Variants in MROH9 observed in about 807,000 individuals in gnomAD.
MROH9 encodes maestro heat like repeat family member 9, also known as maestro heat-like repeat-containing protein family member 9.
In MROH9, 92 loss-of-function variants were observed where a neutral mutation model predicts 98.2. The ratio of observed to expected loss-of-function variants is 0.94; its 90% CI spans 0.79 to 1.11. The LOEUF (loss-of-function observed/expected upper bound fraction) is 1.11. MROH9 is among the 50% of genes most tolerant of loss of function. The pLI is 0.00. For synonymous variants in MROH9, 397 were observed against 368.9 expected, an observed-to-expected ratio of 1.08 and a Z score of -0.87; for missense variants, 1,057 against 1,014.8, an observed-to-expected ratio of 1.04 and a Z score of -0.57.
rs78569884 is a variant in MROH9 at position 171,025,187 on chromosome 1, A to G, written c.2179-131A>G. The G allele has an allele frequency of 0.013, 7,919 of 606,238 alleles. 555 individuals are homozygous for G. In the Admixed American group the frequency reaches 0.15, roughly 12 times the overall value. The allele number at this position is 606,238 out of a possible 1,614,324, so 37.6% of individuals were successfully genotyped here. A position where few individuals can be genotyped will look rare whatever the true frequency, so the allele number is the denominator to read the frequency against. On this transcript the variant is annotated intron_variant, in intron 19 of 21. Transcript: ENST00000367759. ...AAAGAGAGTTGAGTTTGGGAACAAG[A>G]GTATAGTTCACACAAAAGCATCCCC...
chr1:171,058,174 C>A (rs1653904896), intron 20 of MROH9, among the ~76,000 whole-genome samples: 1 of 152,010 alleles, frequency 6.6e-6, no homozygotes, highest in Non-Finnish European at 1.5e-5. Context: ...GCAAATATTA[C>A]AAGCATTTCT....
chr1:171,001,344 G>A (rs969777988), intron 15 of MROH9, among the ~76,000 whole-genome samples: 14 of 151,784 alleles, frequency 9.2e-5, no homozygotes, highest in Non-Finnish European at 1.5e-4. Flanking sequence ...TTAGGTTGTC[G>A]ATTTGTGCTC....
At chr1:171,003,708 T>G (rs994189658) in intron 15 of MROH9, among the ~76,000 whole-genome samples, 1 of 152,172 alleles carries the variant, frequency 6.6e-6, no homozygotes, top group Non-Finnish European at 1.5e-5. Flanking sequence ...TCTATTTTTG[T>G]GCTGGTTGGC....
intron 15 of MROH9, among the ~76,000 whole-genome samples, chr1:171,005,722 G>A (rs1430452908): frequency 6.6e-6 from 1 of 152,046 alleles, no homozygotes; most frequent in Non-Finnish European, 1.5e-5. Context: ...TGCAAAGACA[G>A]AACATTTTAC....
intron 8 of MROH9, among the ~76,000 whole-genome samples, chr1:170,976,701 A>T (rs1425026376): frequency 6.6e-6 from 1 of 152,156 alleles, no homozygotes; most frequent in Non-Finnish European, 1.5e-5. Context: ...GACCTTGGAG[A>T]ATCTGATGAT....
intron 8 of MROH9, among the ~76,000 whole-genome samples, chr1:170,981,592 A>T (rs113245524): frequency 2.0e-5 from 3 of 152,190 alleles, no homozygotes; most frequent in African/African-American, 7.2e-5. Context: ...GGAACAACAC[A>T]CACCAGGGCT....
At chr1:170,985,267 T>C (rs193003204) in intron 9 of MROH9, among the ~76,000 whole-genome samples, 86 of 152,290 alleles carry the variant, frequency 5.6e-4, no homozygotes, top group Admixed American at 9.8e-4. Flanking sequence ...TTAAAGTATA[T>C]GCCAAACATA....
chr1:170,950,852 T>A (rs778937716), intron 3 of MROH9, among the ~76,000 whole-genome samples: 40 of 152,120 alleles, frequency 2.6e-4, no homozygotes, highest in Non-Finnish European at 4.6e-4. Context: ...AGGGGCTGTT[T>A]ACTATGCATG....
chr1:171,014,182 C>A lies in MROH9; in HGVS notation c.1662C>A (p.Ile554=), dbSNP rs1268108943. ...EEFLVLFINW[I]NDSNPVVSRL... ...TTTTGGTCCTCTTCATAAACTGGAT[C>A]AATGATTCCAATCCTGTAGTTAGCA... Residue 554 remains isoleucine (I), a synonymous_variant, in exon 16 of 22, where the codon ATC becomes ATA. Coordinates refer to ENST00000367759, the MANE Select transcript of MROH9 (RefSeq NM_001163629.2). 6.4e-7 allele frequency: 1 copy of A among 1,550,468 alleles called. No homozygotes were observed. The highest frequency in any genetic ancestry group is 1.4e-5 in the African/African-American group (1 of 73,016).
intron 3 of MROH9, among the ~76,000 whole-genome samples, chr1:170,951,503 A>G (rs1649550050): frequency 6.6e-6 from 1 of 152,144 alleles, no homozygotes; most frequent in African/African-American, 2.4e-5. Context: ...AGTTGCAAGA[A>G]GAGAGAAGGA....
At chr1:170,981,943 C>T (rs1650947337) in intron 8 of MROH9, among the ~76,000 whole-genome samples, 1 of 152,122 alleles carries the variant, frequency 6.6e-6, no homozygotes, top group Admixed American at 6.5e-5. Context: ...ACTGATTCTG[C>T]TATGTGTTGT....
At chr1:171,022,360 A>G (rs1022608210) in intron 17 of MROH9, among the ~76,000 whole-genome samples, 22 of 152,232 alleles carry the variant, frequency 1.4e-4, no homozygotes, top group African/African-American at 5.3e-4. Context: ...ATGCCCATCA[A>G]TGTTAGACTG....
chr1:171,059,065 G>T (rs1232206307), intron 20 of MROH9, among the ~76,000 whole-genome samples: 1 of 152,118 alleles, frequency 6.6e-6, no homozygotes, highest in Admixed American at 6.6e-5. Context: ...CTACAGAATG[G>T]GAGAAAATTT....
intron 8 of MROH9, among the ~76,000 whole-genome samples, chr1:170,974,311 A>G (rs890034926): frequency 2.0e-5 from 3 of 152,164 alleles, no homozygotes; most frequent in Admixed American, 6.5e-5. Context: ...CACACACTGA[A>G]AAGCTCAGCA....
intron 20 of MROH9, among the ~76,000 whole-genome samples, chr1:171,047,793 T>C (rs928610819): frequency 1.1e-4 from 16 of 152,306 alleles, no homozygotes; most frequent in Admixed American, 2.6e-4. Context: ...TATTTATAGC[T>C]GTCCTTCTTG....
intron 1 of MROH9, among the ~76,000 whole-genome samples, chr1:170,937,260 A>T (rs954542924): frequency 6.6e-6 from 1 of 152,200 alleles, no homozygotes; most frequent in Non-Finnish European, 1.5e-5. Flanking sequence ...AGAGGAGGAG[A>T]TAAAGTCCTT....
At chr1:171,063,749 T>A (rs1654081517) in intron 21 of MROH9, among the ~76,000 whole-genome samples, 1 of 152,230 alleles carries the variant, frequency 6.6e-6, no homozygotes, top group African/African-American at 2.4e-5. Context: ...TAATGAACAT[T>A]GAGACTGATT....
Position 171,014,241 on chromosome 1 carries a change from C to T in MROH9, c.1721C>T (p.Pro574Leu), listed in dbSNP as rs1234156062. 6.4e-7 allele frequency: 1 copy of T among 1,550,476 alleles called. No homozygotes were observed. Among genetic ancestry groups the T allele is most frequent in the Non-Finnish European group, 8.7e-7 (1 of 1,146,532 alleles). Residue 574 changes from proline to leucine, a missense_variant, in exon 16 of 22, where the codon CCA becomes CTA. Transcript: ENST00000367759. ...LILHRIVHMS[P>L]IINKTENVSS... ...CTTCATAGAATTGTCCACATGTCAC[C>T]AATTATCAATAAGGTATGTGTATGT... is the stretch of plus-strand genomic sequence containing the variant.
intron 15 of MROH9, among the ~76,000 whole-genome samples, chr1:171,002,673 C>A (rs989368478): frequency 3.3e-5 from 5 of 152,182 alleles, no homozygotes; most frequent in African/African-American, 1.2e-4. Context: ...TTCTGTCTAA[C>A]AGCTCTTAAG....
Sources: gnomAD v4.1 joint callset for allele counts (sites outside exome capture counted in the v4.1 genomes callset) on GRCh38, gnomAD v4.1.1 for gene constraint, MANE v1.5 for transcripts, NCBI Gene and HGNC (gene_info 2026-07-23, HGNC 2026-07-21) for gene names.